LRRC28: variants seen among roughly 807,000 people sequenced by gnomAD.
LRRC28 encodes the protein leucine rich repeat containing 28.
In LRRC28, 39 loss-of-function variants were observed where a neutral mutation model predicts 45.7. The observed-to-expected ratio is 0.85, with a 90% CI of 0.66 to 1.12. LRRC28 has a LOEUF of 1.12. Among genes scored for constraint, LRRC28 ranks in the 50% most tolerant of loss-of-function variants. LRRC28 has a pLI of 0.00. For synonymous variants in LRRC28, 206 were observed against 178.8 expected, an observed-to-expected ratio of 1.15 and a Z score of -1.22; for missense variants, 435 against 438.5, an observed-to-expected ratio of 0.99 and a Z score of 0.07.
chr15:99,366,622 G>A (rs962141960), intron 9 of LRRC28, among the ~76,000 whole-genome samples: 7 of 152,094 alleles, frequency 4.6e-5, no homozygotes, highest in Non-Finnish European at 7.4e-5. Context: ...ACATGGCAGA[G>A]AATGTCTCTT....
intron 5 of LRRC28, among the ~76,000 whole-genome samples, chr15:99,329,956 A>G (rs1030004584): frequency 1.3e-5 from 2 of 152,180 alleles, no homozygotes; most frequent in Non-Finnish European, 2.9e-5. Flanking sequence ...CTGAGTGTTT[A>G]TGCTTGCAAA....
chr15:99,376,936 G>A (rs1216705589), intron 9 of LRRC28, among the ~76,000 whole-genome samples: 1 of 152,244 alleles, frequency 6.6e-6, no homozygotes, highest in Admixed American at 6.5e-5. Flanking sequence ...TCTTAATCCA[G>A]TCTATCATTG....
Position 99,251,510 on chromosome 15 carries a change from C to A in LRRC28, c.-92C>A, listed in dbSNP as rs1396968245. On this transcript the variant is annotated 5_prime_UTR_variant, in exon 1 of 10. Coordinates refer to ENST00000301981, the MANE Select transcript of LRRC28 (RefSeq NM_144598.5). Reference sequence around the variant, plus strand: ...CCCGCTTGGCTTCCAGCGCCGCTTGCGCTCCGGAGCGCTGGCTCTGCTGGC... The same window carrying A: ...CCCGCTTGGCTTCCAGCGCCGCTTGAGCTCCGGAGCGCTGGCTCTGCTGGC... 1 of 150,750 alleles carries A rather than the reference C, an allele frequency of 6.6e-6. No homozygotes were observed. The highest frequency in any genetic ancestry group is 1.5e-5 in the Non-Finnish European group (1 of 67,764). The allele number at this position is 150,750 out of a possible 1,614,324, so 9.3% of individuals were successfully genotyped here. A position where few individuals can be genotyped will look rare whatever the true frequency, so the allele number is the denominator to read the frequency against.
At chr15:99,297,730 AATAG>A (rs1301450918) in intron 5 of LRRC28, among the ~76,000 whole-genome samples, 3 of 151,574 alleles carry the variant, frequency 2.0e-5, no homozygotes, top group Admixed American at 1.3e-4. Flanking sequence ...ATTGTGATAT[AATAG>A]ATAAAACATT....
intron 7 of LRRC28, 41 bp downstream of exon 7, chr15:99,352,512 C>G (rs1283726811): frequency 1.3e-6 from 2 of 1,495,976 alleles, no homozygotes; most frequent in Non-Finnish European, 1.9e-6. Context: ...AATAGATTAA[C>G]TACTTTTGGT....
At chr15:99,258,585 A>G in intron 2 of LRRC28, 1 of 747,312 alleles carries the variant, frequency 1.3e-6, no homozygotes, top group Non-Finnish European at 2.4e-6. Flanking sequence ...GAAACCAAAG[A>G]CTAAAAAAGT....
At chr15:99,256,428 T>C (rs2081023827) in intron 2 of LRRC28, 1 of 185,306 alleles carries the variant, frequency 5.4e-6, no homozygotes, top group Admixed American at 6.1e-5. Flanking sequence ...TCCTGACTTG[T>C]AATTTGTTTG....
chr15:99,366,405 T>C (rs1211804994), intron 9 of LRRC28, among the ~76,000 whole-genome samples: 1 of 152,234 alleles, frequency 6.6e-6, no homozygotes, highest in Non-Finnish European at 1.5e-5. Context: ...CTAACTATTA[T>C]ATATGCAAGG....
At chr15:99,314,437 CTAAA>C (rs71922869) in intron 5 of LRRC28, among the ~76,000 whole-genome samples, 4,546 of 127,764 alleles carry the variant, frequency 0.036, 202 homozygotes, top group African/African-American at 0.11. Flanking sequence ...GACCTTGTCT[CTAAA>C]TAAATAAATA....
At chr15:99,257,774 A>G (rs2081068441) in intron 2 of LRRC28, 2 of 777,672 alleles carry the variant, frequency 2.6e-6, no homozygotes, top group Admixed American at 1.7e-5. Context: ...ATGATGAAGT[A>G]GTACAGAGAG....
chr15:99,303,756 T>C (rs1955072868), intron 5 of LRRC28, among the ~76,000 whole-genome samples: 2 of 151,768 alleles, frequency 1.3e-5, no homozygotes, highest in Non-Finnish European at 2.9e-5. Flanking sequence ...ATCGCATGAA[T>C]CCGGGAGGTG....
In LRRC28 at chr15:99,387,982, G is replaced by A. The variant is rs1431892171; in HGVS notation, c.*1880G>A. On this transcript the variant is annotated 3_prime_UTR_variant, in exon 10 of 10. Transcript: ENST00000301981. ...CAGAAAGTTACCGTGTGTTCCCACTGTATCTGCACTGTTCTTACTTCCTCT... is the reference window on the plus strand; with the variant it reads ...CAGAAAGTTACCGTGTGTTCCCACTATATCTGCACTGTTCTTACTTCCTCT... The A allele has an allele frequency of 3.3e-5, 5 of 152,208 alleles. No homozygotes were observed. The highest frequency in any genetic ancestry group is 1.2e-4 in the African/African-American group (5 of 41,442). 9.4% of individuals were successfully genotyped at this position (152,208 alleles called of 1,614,324 possible).
At chr15:99,372,036 T>C (rs938753765) in intron 9 of LRRC28, among the ~76,000 whole-genome samples, 1 of 152,222 alleles carries the variant, frequency 6.6e-6, no homozygotes, top group South Asian at 2.1e-4. Context: ...CAATATGTTA[T>C]TAGATGATTC....
At chr15:99,374,425 G>C (rs1440149748) in intron 9 of LRRC28, among the ~76,000 whole-genome samples, 1 of 152,136 alleles carries the variant, frequency 6.6e-6, no homozygotes, top group South Asian at 2.1e-4. Flanking sequence ...GAATGTTACT[G>C]ATTTTCATAT....
At chr15:99,381,703 G>T (rs529830755) in intron 9 of LRRC28, among the ~76,000 whole-genome samples, 1 of 152,308 alleles carries the variant, frequency 6.6e-6, no homozygotes, top group African/African-American at 2.4e-5. Context: ...CTTACAGATG[G>T]GGTTTTGGTG....
chr15:99,264,164 A>T (rs2081274146), intron 2 of LRRC28, among the ~76,000 whole-genome samples: 2 of 152,226 alleles, frequency 1.3e-5, no homozygotes, highest in Admixed American at 1.3e-4. Flanking sequence ...TCTTTCCCCC[A>T]TTAGCTGGGG....
chr15:99,371,980 T>A (rs1350348976), intron 9 of LRRC28, among the ~76,000 whole-genome samples: 1 of 152,212 alleles, frequency 6.6e-6, no homozygotes, highest in Non-Finnish European at 1.5e-5. Flanking sequence ...CACAGAATCT[T>A]CCCATGAGAG....
rs756276353 is a variant in LRRC28 at position 99,333,918 on chromosome 15, T to C, written c.386-5T>C. On this transcript the variant is annotated splice_polypyrimidine_tract_variant and splice_region_variant and intron_variant, in intron 5 of 9. Transcript: ENST00000301981. The stretch of plus-strand genomic sequence containing the variant: ...AATTTATCCTAATTTTGATTTTGGT[T>C]GTAGAGGTTGGCGATTTGAAGGAGC... 1 of 1,613,932 alleles carries C rather than the reference T, an allele frequency of 6.2e-7. No homozygotes were observed. The highest frequency in any genetic ancestry group is 1.1e-5 in the South Asian group (1 of 91,082).
chr15:99,308,234 G>A (rs62023805), intron 5 of LRRC28, among the ~76,000 whole-genome samples: 14,697 of 152,150 alleles, frequency 0.097, 833 homozygotes, highest in African/African-American at 0.16. Flanking sequence ...CTTACACAAC[G>A]TGACTTAGTA....
Sources: allele counts gnomAD v4.1 joint callset (sites outside exome capture counted in the v4.1 genomes callset), GRCh38; gene constraint gnomAD v4.1.1; transcripts MANE v1.5; gene names NCBI Gene and HGNC (gene_info 2026-07-23, HGNC 2026-07-21).